The following SGMS1 variants were observed in gnomAD, a reference collection of about 807,000 sequenced individuals.
SGMS1 encodes phosphatidylcholine:ceramide cholinephosphotransferase 1.
SGMS1 carries 13 observed loss-of-function variants against 46.2 expected under a neutral mutation model. The observed-to-expected ratio is 0.28, with a 90% CI of 0.18 to 0.45. The LOEUF is 0.45. Ranked by LOEUF, SGMS1 falls within the 20% of genes least tolerant of loss-of-function variation. The pLI, the probability that SGMS1 is intolerant of heterozygous loss-of-function variation, is 1.00. For synonymous variants in SGMS1, 203 were observed against 187.8 expected, an observed-to-expected ratio of 1.08 and a Z score of -0.66; for missense variants, 324 against 519.9, an observed-to-expected ratio of 0.62 and a Z score of 3.66.
At chr10:50,395,287 G>A (rs1402400755) in intron 6 of SGMS1, among the ~76,000 whole-genome samples, 2 of 152,270 alleles carry the variant, frequency 1.3e-5, no homozygotes, top group South Asian at 2.1e-4. Context: ...GTAATAAATA[G>A]CTCCTTCAAG....
chr10:50,446,992 T>A (rs1837026702), intron 5 of SGMS1, among the ~76,000 whole-genome samples: 1 of 152,204 alleles, frequency 6.6e-6, no homozygotes, highest in Non-Finnish European at 1.5e-5. Context: ...AATTTACACA[T>A]GTCATTTTTG....
At chr10:50,403,847 A>G (rs1848974744) in intron 6 of SGMS1, among the ~76,000 whole-genome samples, 1 of 151,380 alleles carries the variant, frequency 6.6e-6, no homozygotes, top group South Asian at 2.1e-4. Context: ...GCCCCAAACT[A>G]CAACTACTCA....
chr10:50,346,839 A>G (rs2133369175), intron 6 of SGMS1, among the ~76,000 whole-genome samples: 1 of 152,184 alleles, frequency 6.6e-6, no homozygotes, highest in East Asian at 1.9e-4. Flanking sequence ...AGCTGGGACC[A>G]CAGGTGCATG....
chr10:50,365,362 A>G (rs1848321758), intron 6 of SGMS1, among the ~76,000 whole-genome samples: 1 of 151,988 alleles, frequency 6.6e-6, no homozygotes, highest in Non-Finnish European at 1.5e-5. Context: ...AAAGAAAAGA[A>G]CACAATTTCT....
At chr10:50,593,579 C>A (rs1227786339) in intron 1 of SGMS1, among the ~76,000 whole-genome samples, 1 of 152,058 alleles carries the variant, frequency 6.6e-6, no homozygotes, top group Non-Finnish European at 1.5e-5. Context: ...ACCACTTCCA[C>A]CACCAAGATT....
At chr10:50,321,280 A>T (rs1283379884) in intron 8 of SGMS1, among the ~76,000 whole-genome samples, 1 of 152,234 alleles carries the variant, frequency 6.6e-6, no homozygotes, top group Non-Finnish European at 1.5e-5. Flanking sequence ...ATACATAAGG[A>T]ACTAATATAC....
Position 50,449,640 on chromosome 10 carries a change from CGTGT to C in SGMS1, c.-313+11029_-313+11032del, listed in dbSNP as rs10581530. On this transcript the variant is annotated intron_variant, in intron 5 of 10. Transcript: ENST00000361781. ...GGCTTCTCTACAAATAGTGTGTGCA[CGTGT>C]GTGTGTGTGTGTGTGTGTGTACACA... 2.9e-3 allele frequency among the ~76,000 whole-genome samples: 442 copies of C among 150,054 alleles called. 2 individuals carry two copies. Among genetic ancestry groups the C allele is most frequent in the Non-Finnish European group, 4.5e-3 (301 of 67,516 alleles).
intron 2 of SGMS1, among the ~76,000 whole-genome samples, chr10:50,578,512 C>A (rs982971708): frequency 6.6e-6 from 1 of 152,028 alleles, no homozygotes; most frequent in Non-Finnish European, 1.5e-5. Context: ...TATTTTAACA[C>A]CTGAAATAAA....
chr10:50,624,118 G>A, upstream of SGMS1: 2 of 985,408 alleles, frequency 2.0e-6, no homozygotes, highest in Non-Finnish European at 2.4e-6. Context: ...AGGGACAGTC[G>A]CAGTTTGGGC....
At chr10:50,495,602 G>A (rs911540142) in intron 3 of SGMS1, among the ~76,000 whole-genome samples, 5 of 152,024 alleles carry the variant, frequency 3.3e-5, no homozygotes, top group Non-Finnish European at 5.9e-5. Context: ...GTAAAATAAC[G>A]AATATAAGGA....
intron 6 of SGMS1, among the ~76,000 whole-genome samples, chr10:50,403,477 A>C (rs1354169884): frequency 6.6e-6 from 1 of 152,106 alleles, no homozygotes; most frequent in African/African-American, 2.4e-5. Flanking sequence ...TCTTCATTCG[A>C]GTTCTCTATT....
chr10:50,422,183 G>A (rs1564909253), intron 6 of SGMS1, among the ~76,000 whole-genome samples: 1 of 152,076 alleles, frequency 6.6e-6, no homozygotes, highest in Non-Finnish European at 1.5e-5. Context: ...TTCACTCTCA[G>A]CAGACAGTGG....
intron 1 of SGMS1, among the ~76,000 whole-genome samples, chr10:50,605,137 C>T (rs553610246): frequency 1.6e-3 from 131 of 80,794 alleles, no homozygotes; most frequent in African/African-American, 5.7e-3. Context: ...CCAGGCACCA[C>T]AAAACCCCGG....
intron 3 of SGMS1, among the ~76,000 whole-genome samples, chr10:50,488,160 C>T (rs2133733910): frequency 6.6e-6 from 1 of 152,058 alleles, no homozygotes; most frequent in Non-Finnish European, 1.5e-5. Context: ...ATTATAAGCG[C>T]CCGCCACCAT....
At position 50,623,727 on chromosome 10, in the gene SGMS1, C is replaced by T. The variant is rs1190529822; in HGVS notation, c.-704G>A. Reference sequence around the variant, plus strand: ...CTCACTTGCACTGGAGTCACGGCAGCCGCCGGAATTCCGCTCGCGGAGCCC... The same window carrying T: ...CTCACTTGCACTGGAGTCACGGCAGTCGCCGGAATTCCGCTCGCGGAGCCC... On this transcript the variant is annotated 5_prime_UTR_variant, in exon 1 of 11. Transcript: ENST00000361781. The T allele has an allele frequency of 2.6e-5, 26 of 985,348 alleles. No homozygotes were observed. Among genetic ancestry groups the T allele is most frequent in the East Asian group, 1.1e-4 (1 of 8,810 alleles). 61.0% of individuals were successfully genotyped at this position (985,348 alleles called of 1,614,324 possible).
At chr10:50,508,022 A>C (rs1319966681) in intron 3 of SGMS1, among the ~76,000 whole-genome samples, 2 of 152,132 alleles carry the variant, frequency 1.3e-5, no homozygotes, top group Non-Finnish European at 2.9e-5. Context: ...GGATCTGCTA[A>C]AGATGTACCC....
At chr10:50,598,647 G>A (rs982776603) in intron 1 of SGMS1, among the ~76,000 whole-genome samples, 1 of 151,824 alleles carries the variant, frequency 6.6e-6, no homozygotes, top group African/African-American at 2.4e-5. Context: ...CAGGAGTCAG[G>A]GTATCAGAAA....
chr10:50,331,596 T>C (rs191546724), intron 7 of SGMS1, among the ~76,000 whole-genome samples: 47 of 152,384 alleles, frequency 3.1e-4, no homozygotes, highest in Admixed American at 7.2e-4. Context: ...TCAGTCATCC[T>C]GAAATGTCAT....
At chr10:50,368,657 A>G (rs1009347170) in intron 6 of SGMS1, among the ~76,000 whole-genome samples, 1 of 152,164 alleles carries the variant, frequency 6.6e-6, no homozygotes, top group African/African-American at 2.4e-5. Context: ...CACCCAGCCA[A>G]TACTAAATTT....
Sources: allele counts gnomAD v4.1 joint callset (sites outside exome capture counted in the v4.1 genomes callset), GRCh38; gene constraint gnomAD v4.1.1; transcripts MANE v1.5; gene names NCBI Gene and HGNC (gene_info 2026-07-23, HGNC 2026-07-21).